Variants in KCNK12 observed in about 807,000 individuals in gnomAD.
KCNK12 encodes the protein potassium channel subfamily K member 12.
In KCNK12, 6 loss-of-function variants were observed where a neutral mutation model predicts 25.3. That is an observed-to-expected ratio of 0.24 (90% CI 0.13 to 0.47). The LOEUF is 0.47. KCNK12 is among the 20% of genes least tolerant of loss of function. The pLI is 0.99. For missense variants in KCNK12, 444 were observed against 661.7 expected, an observed-to-expected ratio of 0.67 and a Z score of 3.61; for synonymous variants, 331 against 311.1, an observed-to-expected ratio of 1.06 and a Z score of -0.67.
Position 47,529,501 on chromosome 2 carries a change from G to A in KCNK12, c.392-7693C>T, listed in dbSNP as rs1281496060. On this transcript the variant is annotated intron_variant, in intron 1 of 1. Transcript: ENST00000327876. The surrounding 1 kb of genome is among the most constrained non-coding windows in gnomAD (Gnocchi z 4.3). ...AAATTTCCATTGACCTAAAATTTTT[G>A]TGGTGGGCACTGCAGCTCTCTCCTT... is the stretch of plus-strand genomic sequence containing the variant. Among the ~76,000 whole-genome samples the A allele has an allele frequency of 6.6e-6, 1 of 152,148 alleles. No individual in the cohort carries two copies. Among genetic ancestry groups the A allele is most frequent in the Non-Finnish European group, 1.5e-5 (1 of 68,030 alleles).
intron 1 of KCNK12, among the ~76,000 whole-genome samples, chr2:47,552,293 C>T (rs1221663972): frequency 6.6e-6 from 1 of 152,144 alleles, no homozygotes; most frequent in Non-Finnish European, 1.5e-5. Context: ...CAGGGGGCTG[C>T]CCTCAGCAAT....
chr2:47,549,621 C>T (rs1669382786), intron 1 of KCNK12, among the ~76,000 whole-genome samples: 2 of 151,826 alleles, frequency 1.3e-5, no homozygotes, highest in South Asian at 4.2e-4. Context: ...TTTTTAAAAC[C>T]AAGTAGAATA....
chr2:47,545,914 C>CTTT (rs541242406), intron 1 of KCNK12, among the ~76,000 whole-genome samples: 3 of 145,080 alleles, frequency 2.1e-5, no homozygotes, highest in African/African-American at 5.0e-5. Context: ...CACTTAACTT[C>CTTT]TTTTTTTTTT....
At chr2:47,559,188 G>T (rs1572609002) in intron 1 of KCNK12, among the ~76,000 whole-genome samples, 1 of 152,202 alleles carries the variant, frequency 6.6e-6, no homozygotes. Flanking sequence ...AGCTGACTCA[G>T]AGAGCCATGG....
rs1213149294 is a variant in KCNK12, at chr2:47,514,164, C to A, written c.*6743G>T. On this transcript the variant is annotated 3_prime_UTR_variant, in exon 2 of 2. Transcript: ENST00000327876. This position sits in a 1 kb window ranked among gnomAD's most constrained non-coding sequence, Gnocchi z 5.0. ...CCACACACTGCTCCTCTGCCTGGGC[C>A]ACTCTTCCTGCTCCTTGTCAGCAGG... is the stretch of plus-strand genomic sequence containing the variant. 1.3e-5 allele frequency among the ~76,000 whole-genome samples: 2 copies of A among 152,226 alleles called. No individual in the cohort carries two copies. Among genetic ancestry groups the A allele is most frequent in the East Asian group, 3.9e-4 (2 of 5,192 alleles).
In KCNK12 at chr2:47,555,260, A is replaced by G. The variant is rs1669528373; in HGVS notation, c.391+14681T>C. On this transcript the variant is annotated intron_variant, in intron 1 of 1. Coordinates refer to ENST00000327876, the MANE Select transcript of KCNK12 (RefSeq NM_022055.2). The surrounding 1 kb of genome is among the most constrained non-coding windows in gnomAD (Gnocchi z 4.5). ...ATGCCATCCCCAAATATGTCACTTT[A>G]GCACAAGGATTGTTTTGAGCTGCAG... Among the ~76,000 whole-genome samples the G allele has an allele frequency of 6.6e-6, 1 of 152,244 alleles. No individual in the cohort carries two copies. The highest frequency in any genetic ancestry group is 6.5e-5 in the Admixed American group (1 of 15,286).
In KCNK12 at chr2:47,525,196, C is replaced by T. The variant is rs1668743225; in HGVS notation, c.392-3388G>A. 6.6e-6 allele frequency among the ~76,000 whole-genome samples: 1 copy of T among 152,210 alleles called. No homozygotes were observed. The highest frequency in any genetic ancestry group is 1.5e-5 in the Non-Finnish European group (1 of 68,030). ...TCTGGGGCTAGCAACCCCCCACACC[C>T]CCACCTCCAGGCTGTACGGAAAGGC... On this transcript the variant is annotated intron_variant, in intron 1 of 1. Coordinates refer to ENST00000327876, the MANE Select transcript of KCNK12 (RefSeq NM_022055.2). This position sits in a 1 kb window ranked among gnomAD's most constrained non-coding sequence, Gnocchi z 4.1.
chr2:47,514,875 G>T lies in KCNK12; in HGVS notation c.*6032C>A, dbSNP rs1263545656. On this transcript the variant is annotated 3_prime_UTR_variant, in exon 2 of 2. Transcript: ENST00000327876. This position sits in a 1 kb window ranked among gnomAD's most constrained non-coding sequence, Gnocchi z 5.0. ...GATCCACTTGTCTCAGCCTCCCAAA[G>T]TGCTGGGATTATAGACATGAGCCAC... Among the ~76,000 whole-genome samples the T allele has an allele frequency of 6.6e-6, 1 of 152,138 alleles. No homozygotes were observed.
At chr2:47,526,529 T>G (rs1011193928) in intron 1 of KCNK12, among the ~76,000 whole-genome samples, 2 of 152,084 alleles carry the variant, frequency 1.3e-5, no homozygotes, top group African/African-American at 4.8e-5. Flanking sequence ...GGCCAGGAGT[T>G]CAAGACCAGC....
Position 47,520,808 on chromosome 2 carries a change from A to G in KCNK12, c.*99T>C. The G allele has an allele frequency of 1.1e-6, 1 of 870,744 alleles. No homozygotes were observed. The highest frequency in any genetic ancestry group is 1.5e-6 in the Non-Finnish European group (1 of 658,162). 53.9% of individuals were successfully genotyped at this position (870,744 alleles called of 1,614,324 possible). ...AATTTTTTTTGTTTCATTTTATTGG[A>G]TAAAGATTAAGAAAGCGCCAGCAGT... On this transcript the variant is annotated 3_prime_UTR_variant, in exon 2 of 2. Coordinates refer to ENST00000327876, the MANE Select transcript of KCNK12 (RefSeq NM_022055.2). The surrounding 1 kb of genome is among the most constrained non-coding windows in gnomAD (Gnocchi z 5.0).
At position 47,513,529 on chromosome 2, in the gene KCNK12, G is replaced by A. The variant is rs1668453462; in HGVS notation, c.*7378C>T. Among the ~76,000 whole-genome samples, 2 of 152,110 alleles carry A rather than the reference G, an allele frequency of 1.3e-5. No individual in the cohort carries two copies. ...CTCATTCTACACACTCACAGCCTGA[G>A]TAATTCACACCATCTTGATGCTGAG... On this transcript the variant is annotated 3_prime_UTR_variant, in exon 2 of 2. Transcript: ENST00000327876.
rs546979908 is a variant in KCNK12, at chr2:47,540,363, A to T, written c.392-18555T>A. Among the ~76,000 whole-genome samples, 1 of 152,274 alleles carries T rather than the reference A, an allele frequency of 6.6e-6. No individual in the cohort carries two copies. Among genetic ancestry groups the T allele is most frequent in the East Asian group, 1.9e-4 (1 of 5,178 alleles). On this transcript the variant is annotated intron_variant, in intron 1 of 1. Transcript: ENST00000327876. This position sits in a 1 kb window ranked among gnomAD's most constrained non-coding sequence, Gnocchi z 5.4. ...CTGAGTGTCCGGCCTGGGACGTGAG[A>T]GGGCATGGGCTCACCTGCTCAGGGT...
rs1669361286 is a variant in KCNK12, at chr2:47,548,560, C to T, written c.391+21381G>A. Among the ~76,000 whole-genome samples the T allele has an allele frequency of 6.6e-6, 1 of 152,182 alleles. No individual in the cohort carries two copies. Among genetic ancestry groups the T allele is most frequent in the African/African-American group, 2.4e-5 (1 of 41,436 alleles). ...TCACACCCTACATCTGATCCAGGAA[C>T]AAATCGTGCCACCCTACTGTCAACA... On this transcript the variant is annotated intron_variant, in intron 1 of 1. Transcript: ENST00000327876. This position sits in a 1 kb window ranked among gnomAD's most constrained non-coding sequence, Gnocchi z 4.4.
rs543107595 is a variant in KCNK12 at position 47,557,906 on chromosome 2, G to A, written c.391+12035C>T. On this transcript the variant is annotated intron_variant, in intron 1 of 1. Coordinates refer to ENST00000327876, the MANE Select transcript of KCNK12 (RefSeq NM_022055.2). The surrounding 1 kb of genome is among the most constrained non-coding windows in gnomAD (Gnocchi z 4.9). Reference sequence around the variant, plus strand: ...AAGGTGGACTTCATGCAGCTGCTGGGTTCCTGACATTGGTTACAAGTTACA... The same window carrying A: ...AAGGTGGACTTCATGCAGCTGCTGGATTCCTGACATTGGTTACAAGTTACA... 6.6e-6 allele frequency among the ~76,000 whole-genome samples: 1 copy of A among 152,182 alleles called. No individual in the cohort carries two copies. Among genetic ancestry groups the A allele is most frequent in the East Asian group, 1.9e-4 (1 of 5,196 alleles).
Position 47,560,425 on chromosome 2 carries a change from A to G in KCNK12, c.391+9516T>C, listed in dbSNP as rs190383744. ...GCACAGCCAAATCCCAGAGTCCCCA[A>G]ACTGTGCTTCAGCTCTCACTGATGC... On this transcript the variant is annotated intron_variant, in intron 1 of 1. Transcript: ENST00000327876. The surrounding 1 kb of genome is among the most constrained non-coding windows in gnomAD (Gnocchi z 4.7). Among the ~76,000 whole-genome samples the G allele has an allele frequency of 1.2e-3, 185 of 152,256 alleles. No individual in the cohort carries two copies. The highest frequency in any genetic ancestry group is 0.01 in the Middle Eastern group (3 of 294).
intron 1 of KCNK12, among the ~76,000 whole-genome samples, chr2:47,532,171 A>G (rs1408824831): frequency 6.6e-6 from 1 of 151,964 alleles, no homozygotes; most frequent in Admixed American, 6.6e-5. Flanking sequence ...AACATTGACT[A>G]TCCTGGAGCA....
chr2:47,550,381 T>A (rs1669401896), intron 1 of KCNK12, among the ~76,000 whole-genome samples: 1 of 141,380 alleles, frequency 7.1e-6, no homozygotes, highest in Admixed American at 6.9e-5. Flanking sequence ...TCACAGACTT[T>A]TTTTTTTTTT....
rs529433581 is a variant in KCNK12 at position 47,514,229 on chromosome 2, G to A, written c.*6678C>T. ...GCTCAGCATGGACAGCTGCTTCTGAGAGCCTTCTCTGCCTACCCAGGCTGG... is the reference window on the plus strand; with the variant it reads ...GCTCAGCATGGACAGCTGCTTCTGAAAGCCTTCTCTGCCTACCCAGGCTGG... On this transcript the variant is annotated 3_prime_UTR_variant, in exon 2 of 2. Transcript: ENST00000327876. This position sits in a 1 kb window ranked among gnomAD's most constrained non-coding sequence, Gnocchi z 5.0. 1.3e-5 allele frequency among the ~76,000 whole-genome samples: 2 copies of A among 152,320 alleles called. No homozygotes were observed. The highest frequency in any genetic ancestry group is 3.9e-4 in the East Asian group (2 of 5,182).
rs1386832292 is a variant in KCNK12, at chr2:47,555,640, T to G, written c.391+14301A>C. Among the ~76,000 whole-genome samples, 2 of 152,230 alleles carry G rather than the reference T, an allele frequency of 1.3e-5. No homozygotes were observed. The highest frequency in any genetic ancestry group is 2.9e-5 in the Non-Finnish European group (2 of 68,040). On this transcript the variant is annotated intron_variant, in intron 1 of 1. Coordinates refer to ENST00000327876, the MANE Select transcript of KCNK12 (RefSeq NM_022055.2). This position sits in a 1 kb window ranked among gnomAD's most constrained non-coding sequence, Gnocchi z 4.5. ...TTCCTTTTCTATGAAGGCCTCCATATGTATATGCAATAAATCTTTTCTCCT... is the reference window on the plus strand; with the variant it reads ...TTCCTTTTCTATGAAGGCCTCCATAGGTATATGCAATAAATCTTTTCTCCT...
Sources: allele counts gnomAD v4.1 joint callset (sites outside exome capture counted in the v4.1 genomes callset), GRCh38; gene constraint gnomAD v4.1.1; non-coding constraint Gnocchi (gnomAD v3.1); transcripts MANE v1.5; gene names NCBI Gene and HGNC (gene_info 2026-07-23, HGNC 2026-07-21).